The following DOCK4 variants were observed in gnomAD, a reference collection of about 807,000 sequenced individuals.
DOCK4 encodes dedicator of cytokinesis protein 4.
In DOCK4, 97 loss-of-function variants were observed where a neutral mutation model predicts 268.1. The ratio of observed to expected loss-of-function variants is 0.36; its 90% CI spans 0.31 to 0.43. The LOEUF (loss-of-function observed/expected upper bound fraction) is 0.43, where lower values mean the gene tolerates loss of function less well. Ranked by LOEUF, DOCK4 falls within the 20% of genes least tolerant of loss-of-function variation. DOCK4 has a pLI of 1.00. For synonymous variants in DOCK4, 954 were observed against 887.2 expected (o/e 1.08, Z -1.34); for missense variants, 2,145 against 2,455.7 (o/e 0.87, Z 2.67).
At chr7:111,897,020 A>G (rs1400220214) in intron 15 of DOCK4, among the ~76,000 whole-genome samples, 1 of 152,190 alleles carries the variant, frequency 6.6e-6, no homozygotes, top group Non-Finnish European at 1.5e-5. Context: ...CTACAGGTTC[A>G]TTTAAGAACA....
chr7:111,869,378 CCAG>C (rs1806235849), intron 21 of DOCK4, 193 bp downstream of exon 21: 3 of 542,050 alleles, frequency 5.5e-6, no homozygotes, highest in Non-Finnish European at 1.0e-5. Context: ...TGAACAGTTT[CCAG>C]TAGACTACCC....
At chr7:112,067,897 A>G (rs1488289469) in intron 1 of DOCK4, among the ~76,000 whole-genome samples, 1 of 152,220 alleles carries the variant, frequency 6.6e-6, no homozygotes, top group Non-Finnish European at 1.5e-5. Context: ...AATTATTAGC[A>G]TTTTTGGTGA....
intron 28 of DOCK4, among the ~76,000 whole-genome samples, chr7:111,809,688 T>G (rs2133900482): frequency 6.6e-6 from 1 of 152,314 alleles, no homozygotes; most frequent in South Asian, 2.1e-4. Flanking sequence ...GTATTCCAGG[T>G]TTCACGAGCT....
At chr7:112,121,171 A>C (rs1053724875) in intron 1 of DOCK4, among the ~76,000 whole-genome samples, 1 of 152,218 alleles carries the variant, frequency 6.6e-6, no homozygotes, top group Non-Finnish European at 1.5e-5. Flanking sequence ...ATCATCTCAT[A>C]TGTGGAAGTG....
intron 3 of DOCK4, 101 bp downstream of exon 3, chr7:112,000,393 A>G (rs1800325862): frequency 1.3e-6 from 1 of 793,906 alleles, no homozygotes. Context: ...TTGGCATTTC[A>G]ACTGAGTCCC....
chr7:111,935,654 A>G, intron 11 of DOCK4, 26 bp from the exon 12 acceptor site: 1 of 1,587,514 alleles, frequency 6.3e-7, no homozygotes, highest in Non-Finnish European at 8.6e-7. Context: ...CACTCTGTTA[A>G]GCTTTAATGA....
chr7:111,887,854 C>T (rs909781283), intron 16 of DOCK4, among the ~76,000 whole-genome samples: 14 of 150,860 alleles, frequency 9.3e-5, no homozygotes, highest in African/African-American at 3.4e-4. Flanking sequence ...TTGGGAGGGG[C>T]AGGGTCCCAG....
intron 1 of DOCK4, among the ~76,000 whole-genome samples, chr7:112,203,432 A>G (rs376160120): frequency 8.5e-5 from 13 of 152,222 alleles, no homozygotes; most frequent in Admixed American, 7.2e-4. Context: ...TTAATTACAG[A>G]TATAAAATTT....
chr7:111,930,481 T>C (rs892528954), intron 12 of DOCK4, among the ~76,000 whole-genome samples: 13 of 152,138 alleles, frequency 8.5e-5, no homozygotes, highest in African/African-American at 2.9e-4. Context: ...CAAAGTTGCG[T>C]TTTTTTCTCT....
intron 1 of DOCK4, among the ~76,000 whole-genome samples, chr7:112,080,548 T>C (rs1419434689): frequency 6.6e-6 from 1 of 152,200 alleles, no homozygotes; most frequent in Non-Finnish European, 1.5e-5. Flanking sequence ...CATTTAGTCA[T>C]GTCTCAGATT....
Position 111,728,610 on chromosome 7 carries a change from G to T in DOCK4, c.5592C>A (p.Ser1864Arg). Residue 1864 changes from serine to arginine, a missense_variant, in exon 53 of 53, where the codon AGC becomes AGA. By Grantham distance (110) the Ser-to-Arg change is moderately radical. Coordinates refer to ENST00000428084, the MANE Select transcript of DOCK4 (RefSeq NM_001363540.2). ...CTGAGGTTTCCGACGTGCTGCACCG[G>T]CTGAGAGAAGAAATCCCACTGCTGT... ...GSYSSGISSL[S>R]RCSTSETSGF... 6.2e-7 allele frequency: 1 copy of T among 1,614,018 alleles called. No individual in the cohort carries two copies. The highest frequency in any genetic ancestry group is 8.5e-7 in the Non-Finnish European group (1 of 1,179,900).
intron 1 of DOCK4, among the ~76,000 whole-genome samples, chr7:112,044,067 T>C (rs1293643834): frequency 6.6e-6 from 1 of 150,500 alleles, no homozygotes; most frequent in African/African-American, 2.4e-5. Flanking sequence ...GTACATACTA[T>C]TATTATCAAT....
At chr7:111,815,601 C>T (rs116344675) in intron 27 of DOCK4, among the ~76,000 whole-genome samples, 10,746 of 151,158 alleles carry the variant, frequency 0.071, 1,333 homozygotes, top group African/African-American at 0.25. Flanking sequence ...TTTATTTATT[C>T]ATTTATTTAT....
At chr7:111,913,194 A>C (rs986046467) in intron 13 of DOCK4, among the ~76,000 whole-genome samples, 8 of 151,240 alleles carry the variant, frequency 5.3e-5, no homozygotes, top group Non-Finnish European at 8.8e-5. Context: ...TGAACTCCTG[A>C]CCTCAGGTGA....
At chr7:112,060,130 C>A (rs1276704041) in intron 1 of DOCK4, among the ~76,000 whole-genome samples, 1 of 152,002 alleles carries the variant, frequency 6.6e-6, no homozygotes, top group African/African-American at 2.4e-5. Flanking sequence ...ATTTCTAGCA[C>A]CTTGAAGAGA....
chr7:111,962,436 C>G (rs1313744529), intron 8 of DOCK4, among the ~76,000 whole-genome samples: 2 of 152,166 alleles, frequency 1.3e-5, no homozygotes, highest in Non-Finnish European at 2.9e-5. Context: ...GACAAGTTAA[C>G]AGCCTTGAGA....
At chr7:112,180,221 T>C (rs182836493) in intron 1 of DOCK4, among the ~76,000 whole-genome samples, 2 of 151,680 alleles carry the variant, frequency 1.3e-5, no homozygotes, top group Non-Finnish European at 2.9e-5. Flanking sequence ...AGGAAGGAGG[T>C]AGCCCCCCTC....
intron 12 of DOCK4, among the ~76,000 whole-genome samples, chr7:111,926,527 A>AAAAGAG (rs950591415): frequency 2.0e-5 from 3 of 147,616 alleles, no homozygotes; most frequent in African/African-American, 7.7e-5. Context: ...AAAAGAAAGA[A>AAAAGAG]AAAGAGAAAG....
chr7:111,850,951 CATTA>C (rs769444887), intron 23 of DOCK4, among the ~76,000 whole-genome samples: 3 of 152,184 alleles, frequency 2.0e-5, no homozygotes, highest in Admixed American at 1.3e-4. Flanking sequence ...CAGCAAATGT[CATTA>C]ATTATTTTTT....
Sources: gnomAD v4.1 joint callset for allele counts (sites outside exome capture counted in the v4.1 genomes callset) on GRCh38, gnomAD v4.1.1 for gene constraint, MANE v1.5 for transcripts, NCBI Gene and HGNC (gene_info 2026-07-23, HGNC 2026-07-21) for gene names.